Variants in MAP1B observed in about 807,000 individuals in gnomAD.
MAP1B encodes the protein microtubule-associated protein 1B.
Under a neutral mutation model 176.1 loss-of-function variants are expected in MAP1B, and 12 were observed. The ratio of observed to expected loss-of-function variants is 0.07; its 90% CI spans 0.04 to 0.11. The LOEUF (loss-of-function observed/expected upper bound fraction) is 0.11, where lower values mean the gene tolerates loss of function less well. Ranked by LOEUF, MAP1B falls within the 10% of genes least tolerant of loss-of-function variation. The pLI, the probability that MAP1B is intolerant of heterozygous loss-of-function variation, is 1.00. For synonymous variants in MAP1B, 1,044 were observed against 1,135.0 expected (o/e 0.92, Z 1.61); for missense variants, 2,523 against 2,990.5 (o/e 0.84, Z 3.65).
At chr5:72,163,567 C>G (rs936276250) in intron 2 of MAP1B, among the ~76,000 whole-genome samples, 1 of 152,128 alleles carries the variant, frequency 6.6e-6, no homozygotes, top group Non-Finnish European at 1.5e-5. Flanking sequence ...TTTTTTGCCA[C>G]TTGAGATGAG....
At chr5:72,137,259 A>G (rs182736883) in intron 2 of MAP1B, among the ~76,000 whole-genome samples, 6 of 152,300 alleles carry the variant, frequency 3.9e-5, no homozygotes, top group South Asian at 2.1e-4. Flanking sequence ...TCAATGACCT[A>G]TTGGCCCTAT....
Position 72,198,574 on chromosome 5 carries a change from A to G in MAP1B, c.5219A>G (p.Gln1740Arg), listed in dbSNP as rs1293919498. Residue 1740 changes from glutamine to arginine, a missense_variant, in exon 5 of 7, where the codon CAG (glutamine) becomes CGG (arginine). This residue lies in a region of MAP1B where 1,925 missense variants were observed against 2,126.0 expected (regional missense o/e 0.91). Transcript: ENST00000296755. ...ACCTCTTCTGCTCATACCCCTTCTC[A>G]GATCGCTTCTCCTCTCCAAGAAGAT... ...PSTSSAHTPS[Q>R]IASPLQEDTL... 3.1e-6 allele frequency: 5 copies of G among 1,613,878 alleles called. No individual in the cohort carries two copies. Among genetic ancestry groups the G allele is most frequent in the Non-Finnish European group, 4.2e-6 (5 of 1,180,024 alleles).
In MAP1B at chr5:72,196,724, T is replaced by A. The variant is rs1410226525; in HGVS notation, c.3369T>A (p.Thr1123=). ...CCACCTCTGGCTACACTCAGTCTAC[T>A]ATTGAGATATCCAGTGAGCCCACCC... ...FTATSGYTQS[T]IEISSEPTPM... Residue 1123 remains threonine (T), a synonymous_variant, in exon 5 of 7, where the codon ACT becomes ACA. Transcript: ENST00000296755. This position sits in a 1 kb window ranked among gnomAD's most constrained non-coding sequence, Gnocchi z 5.3. The A allele has an allele frequency of 1.9e-6, 3 of 1,614,052 alleles. No individual in the cohort carries two copies. The highest frequency in any genetic ancestry group is 1.7e-5 in the Admixed American group (1 of 60,004).
intron 2 of MAP1B, among the ~76,000 whole-genome samples, chr5:72,174,117 G>A (rs539737172): frequency 1.8e-4 from 28 of 152,286 alleles, no homozygotes; most frequent in African/African-American, 6.7e-4. Flanking sequence ...GTGACAGAGC[G>A]AGAAACCTCG....
intron 2 of MAP1B, among the ~76,000 whole-genome samples, chr5:72,165,157 T>A (rs1318895391): frequency 6.6e-6 from 1 of 152,200 alleles, no homozygotes; most frequent in Non-Finnish European, 1.5e-5. Context: ...TCTTTCTTGG[T>A]CCCCTGGTCA....
intron 1 of MAP1B, among the ~76,000 whole-genome samples, chr5:72,110,945 C>T (rs1244679233): frequency 1.3e-5 from 2 of 152,220 alleles, no homozygotes; most frequent in African/African-American, 4.8e-5. Context: ...GCTTTCTCAA[C>T]TATATTCGGA....
chr5:72,115,058 G>T lies in MAP1B; in HGVS notation c.185-640G>T, dbSNP rs977580311. ...CAAGCTACTCAGGTAACAGAAAAGT[G>T]CCTGGAAGGACAGACAGGCCAAGTC... On this transcript the variant is annotated intron_variant, in intron 1 of 6. Coordinates refer to ENST00000296755, the MANE Select transcript of MAP1B (RefSeq NM_005909.5). Among the ~76,000 whole-genome samples the T allele has an allele frequency of 5.9e-5, 9 of 152,158 alleles. No homozygotes were observed. In the South Asian group the frequency reaches 1.7e-3, roughly 28 times the overall value.
chr5:72,134,372 GC>G (rs1284789945), intron 2 of MAP1B, among the ~76,000 whole-genome samples: 1 of 152,102 alleles, frequency 6.6e-6, no homozygotes. Flanking sequence ...GCACCTCACG[GC>G]CACCTCCCTT....
rs1580036014 is a variant in MAP1B, at chr5:72,206,457, T to C, written c.*1218T>C. On this transcript the variant is annotated 3_prime_UTR_variant, in exon 7 of 7. Coordinates refer to ENST00000296755, the MANE Select transcript of MAP1B (RefSeq NM_005909.5). Reference sequence around the variant, plus strand: ...GCAAGTTCAAGACTGAAATGGCTTCTATGATCAGAACTGGGAAAACAGTGA... The same window carrying C: ...GCAAGTTCAAGACTGAAATGGCTTCCATGATCAGAACTGGGAAAACAGTGA... The C allele has an allele frequency of 1.3e-5, 2 of 152,664 alleles. No individual in the cohort carries two copies. Among genetic ancestry groups the C allele is most frequent in the Admixed American group, 6.5e-5 (1 of 15,278 alleles). 9.5% of individuals were successfully genotyped at this position (152,664 alleles called of 1,614,324 possible).
chr5:72,166,545 G>A (rs1398889946), intron 2 of MAP1B, among the ~76,000 whole-genome samples: 7 of 152,146 alleles, frequency 4.6e-5, no homozygotes, highest in Non-Finnish European at 8.8e-5. Context: ...AGCACTCAGA[G>A]GTGTCTTCCT....
chr5:72,115,488 C>T (rs1337314063), intron 1 of MAP1B, among the ~76,000 whole-genome samples: 1 of 152,194 alleles, frequency 6.6e-6, no homozygotes, highest in African/African-American at 2.4e-5. Context: ...GCTCAGTCCA[C>T]ACTGCTAATT....
intron 2 of MAP1B, among the ~76,000 whole-genome samples, chr5:72,125,000 A>G (rs1423262013): frequency 6.6e-6 from 1 of 152,220 alleles, no homozygotes; most frequent in Non-Finnish European, 1.5e-5. Flanking sequence ...CAGGCGAACA[A>G]TGCTTCCTTA....
intron 2 of MAP1B, among the ~76,000 whole-genome samples, chr5:72,166,595 C>CT (rs1162566657): frequency 6.6e-6 from 1 of 152,102 alleles, no homozygotes; most frequent in Non-Finnish European, 1.5e-5. Flanking sequence ...CCCTTTAGCC[C>CT]TTTTTTTGTC....
chr5:72,188,090 G>A (rs531501869), intron 4 of MAP1B, among the ~76,000 whole-genome samples: 1 of 152,216 alleles, frequency 6.6e-6, no homozygotes, highest in South Asian at 2.1e-4. Context: ...ATTCATCTCG[G>A]TATCCATTGC....
Position 72,195,796 on chromosome 5 carries a change from T to G in MAP1B, c.2441T>G (p.Ile814Arg). 1.2e-6 allele frequency: 2 copies of G among 1,614,204 alleles called. No individual in the cohort carries two copies. The highest frequency in any genetic ancestry group is 1.7e-6 in the Non-Finnish European group (2 of 1,180,014). ...GCAGCTGTCATGGCGGCAGCTGGAA[T>G]AGCAGCCATTGGCCCTGCCAAAGAA... Reference protein sequence around the residue: ...TTAAVMAAAGIAAIGPAKELE... With the variant: ...TTAAVMAAAGRAAIGPAKELE... Residue 814 changes from isoleucine to arginine, a missense_variant, in exon 5 of 7, where the codon ATA becomes AGA. Transcript: ENST00000296755.
rs1292801816 is a variant in MAP1B, at chr5:72,108,209, G to A, written c.184+494G>A. On this transcript the variant is annotated intron_variant, in intron 1 of 6. Transcript: ENST00000296755. ...ACGGCTACCTCAGCCCCTGAGAAAC[G>A]CCTTTTCTGATTTCAAACCTCCCGA... Among the ~76,000 whole-genome samples the A allele has an allele frequency of 2.0e-5, 3 of 152,270 alleles. No individual in the cohort carries two copies. The East Asian group carries it at 5.8e-4, about 29-fold the overall frequency.
chr5:72,156,658 T>A lies in MAP1B; in HGVS notation c.287-27085T>A, dbSNP rs182326798. 2.2e-4 allele frequency among the ~76,000 whole-genome samples: 34 copies of A among 152,296 alleles called. No homozygotes were observed. The East Asian group carries it at 6.0e-3, about 27-fold the overall frequency. On this transcript the variant is annotated intron_variant, in intron 2 of 6. Coordinates refer to ENST00000296755, the MANE Select transcript of MAP1B (RefSeq NM_005909.5). ...CCCCATTTAAATCTCAGAGCAACCC[T>A]GAGATAAGAATTGTCGTTGTTCCCA...
Position 72,196,602 on chromosome 5 carries a change from T to C in MAP1B, c.3247T>C (p.Ser1083Pro). The change falls in exon 5 of 7, where the codon TCT becomes CCT. Residue 1083 changes from serine (S) to proline (P), a missense_variant. By Grantham distance (74) the Ser-to-Pro change is moderately conservative. Coordinates refer to ENST00000296755, the MANE Select transcript of MAP1B (RefSeq NM_005909.5). This position sits in a 1 kb window ranked among gnomAD's most constrained non-coding sequence, Gnocchi z 5.3. ...GAQSPGREPA[S>P]SIHDETLPGG... ...CCAGTCTCCTGGCCGAGAACCTGCA[T>C]CTTCAATTCATGATGAGACTTTACC... The C allele has an allele frequency of 6.2e-7, 1 of 1,613,998 alleles. No homozygotes were observed. The highest frequency in any genetic ancestry group is 2.2e-5 in the East Asian group (1 of 44,888).
At chr5:72,151,584 A>G (rs76397731) in intron 2 of MAP1B, among the ~76,000 whole-genome samples, 1,527 of 152,350 alleles carry the variant, frequency 0.01, 23 homozygotes, top group African/African-American at 0.034. Flanking sequence ...GGGTAAAGTG[A>G]TTAGACACCT....
Sources: allele counts gnomAD v4.1 joint callset (sites outside exome capture counted in the v4.1 genomes callset), GRCh38; gene constraint gnomAD v4.1.1; regional missense constraint gnomAD v4.1.1; non-coding constraint Gnocchi (gnomAD v3.1); transcripts MANE v1.5; gene names NCBI Gene and HGNC (gene_info 2026-07-23, HGNC 2026-07-21).